Variants in CHP2 observed in about 807,000 individuals in gnomAD.
The protein encoded by CHP2 is calcineurin like EF-hand protein 2.
A neutral mutation model predicts 24.7 loss-of-function variants in CHP2; 31 were observed. That is an observed-to-expected ratio of 1.26 (90% CI 0.94 to 1.69). The LOEUF is 1.69. Among genes scored for constraint, CHP2 ranks in the 40% most tolerant of loss-of-function variants. The pLI is 0.00. For missense variants in CHP2, 319 were observed against 261.5 expected, an observed-to-expected ratio of 1.22 and a Z score of -1.52; for synonymous variants, 97 against 99.1, an observed-to-expected ratio of 0.98 and a Z score of 0.13.
At chr16:23,756,299 C>A (rs1003991440) in intron 4 of CHP2, 89 bp from the exon 5 acceptor site, 1 of 1,584,878 alleles carries the variant, frequency 6.3e-7, no homozygotes. Context: ...CAACCTCCCC[C>A]CTCCTCCAAG....
At position 23,758,018 on chromosome 16, in the gene CHP2, G is replaced by A. The variant is rs1597178402; in HGVS notation, c.*435G>A. On this transcript the variant is annotated 3_prime_UTR_variant, in exon 7 of 7. Coordinates refer to ENST00000300113, the MANE Select transcript of CHP2 (RefSeq NM_022097.4). ...ATCAGGCATTAGATTCTCATAAGGA[G>A]TGCACAATCTAGATCCTTTGGTGTG... The A allele has an allele frequency of 3.6e-6, 1 of 277,728 alleles. No individual in the cohort carries two copies. Among genetic ancestry groups the A allele is most frequent in the African/African-American group, 2.2e-5 (1 of 45,286 alleles). The allele number at this position is 277,728 out of a possible 1,614,324, so 17.2% of individuals were successfully genotyped here. A position where few individuals can be genotyped will look rare whatever the true frequency, so the allele number is the denominator to read the frequency against.
At position 23,757,709 on chromosome 16, in the gene CHP2, C is replaced by T; in HGVS notation, c.*126C>T. The T allele has an allele frequency of 1.1e-6, 1 of 879,180 alleles. No homozygotes were observed. Among genetic ancestry groups the T allele is most frequent in the South Asian group, 1.4e-5 (1 of 74,064 alleles). 54.5% of individuals were successfully genotyped at this position (879,180 alleles called of 1,614,324 possible). On this transcript the variant is annotated 3_prime_UTR_variant, in exon 7 of 7. Coordinates refer to ENST00000300113, the MANE Select transcript of CHP2 (RefSeq NM_022097.4). ...TTTCGTTTCTAACTCTATTTAGGGC[C>T]AAGAGAAGAAAGCTGGAAGGATGTG...
chr16:23,758,744 A>G lies in CHP2; in HGVS notation c.*1161A>G, dbSNP rs1162184265. The stretch of plus-strand genomic sequence containing the variant: ...GTTGCTTAAAGGAAAATGAAATACA[A>G]TTAGCAGAATAAGGGGAAACGAGTG... On this transcript the variant is annotated 3_prime_UTR_variant, in exon 7 of 7. Coordinates refer to ENST00000300113, the MANE Select transcript of CHP2 (RefSeq NM_022097.4). The G allele has an allele frequency of 6.6e-6, 1 of 152,242 alleles. No individual in the cohort carries two copies. The highest frequency in any genetic ancestry group is 1.5e-5 in the Non-Finnish European group (1 of 68,080). The allele number at this position is 152,242 out of a possible 1,614,324, so 9.4% of individuals were successfully genotyped here. A position where few individuals can be genotyped will look rare whatever the true frequency, so the allele number is the denominator to read the frequency against.
Position 23,755,940 on chromosome 16 carries a change from G to T in CHP2, c.221+13G>T. Reference sequence around the variant, plus strand: ...TCTTCCCCGATGGGTGAGGCTTGCTGGGCGTGGGGAGGTGAAGGCGGGAAA... The same window carrying T: ...TCTTCCCCGATGGGTGAGGCTTGCTTGGCGTGGGGAGGTGAAGGCGGGAAA... On this transcript the variant is annotated intron_variant, in intron 3 of 6. Transcript: ENST00000300113. 6.2e-7 allele frequency: 1 copy of T among 1,614,140 alleles called. No homozygotes were observed. Among genetic ancestry groups the T allele is most frequent in the African/African-American group, 1.3e-5 (1 of 75,038 alleles).
Position 23,755,057 on chromosome 16 carries a change from C to T in CHP2, c.8C>T (p.Ser3Leu), listed in dbSNP as rs868014441. Residue 3 changes from serine (S) to leucine (L), a missense_variant, in exon 1 of 7, where the codon TCG becomes TTG. Transcript: ENST00000300113. MG[S>L]RSSHAAVIPD... The stretch of plus-strand genomic sequence containing the variant: ...TCCGCCTCCAGCTCGGCCATGGGGT[C>T]GCGCAGCTCCCACGCCGCGGTCATT... The T allele has an allele frequency of 6.3e-7, 1 of 1,594,952 alleles. No individual in the cohort carries two copies. The highest frequency in any genetic ancestry group is 8.5e-7 in the Non-Finnish European group (1 of 1,174,322).
Position 23,755,907 on chromosome 16 carries a change from A to G in CHP2, c.201A>G (p.Ile67Met). Residue 67 changes from isoleucine to methionine, a missense_variant, in exon 3 of 7, where the codon ATA becomes ATG. By Grantham distance (10) the Ile-to-Met change is conservative (BLOSUM62 1). Coordinates refer to ENST00000300113, the MANE Select transcript of CHP2 (RefSeq NM_022097.4). ...LAVNPLGDRI[I>M]ESFFPDGSQR... ...TGAACCCCCTGGGAGACCGAATTATAGAAAGCTTCTTCCCCGATGGGTGAG... is the reference window on the plus strand; with the variant it reads ...TGAACCCCCTGGGAGACCGAATTATGGAAAGCTTCTTCCCCGATGGGTGAG... 4 of 1,614,196 alleles carry G rather than the reference A, an allele frequency of 2.5e-6. No individual in the cohort carries two copies. Among genetic ancestry groups the G allele is most frequent in the Non-Finnish European group, 3.4e-6 (4 of 1,180,040 alleles).
chr16:23,755,457 A>G, intron 1 of CHP2: 1 of 608,800 alleles, frequency 1.6e-6, no homozygotes. Flanking sequence ...GGAGGTTGCG[A>G]GCCGCCCGGG....
intron 5 of CHP2, 46 bp downstream of exon 5, chr16:23,756,495 A>G (rs2141044251): frequency 6.7e-7 from 1 of 1,496,776 alleles, no homozygotes; most frequent in Non-Finnish European, 9.3e-7. Flanking sequence ...GAAGGATGGG[A>G]TGGTTAAATG....
chr16:23,756,312 G>T (rs77005706), intron 4 of CHP2, 76 bp from the exon 5 acceptor site: 19 of 1,582,720 alleles, frequency 1.2e-5, no homozygotes, highest in South Asian at 4.5e-5. Context: ...CCTCCAAGGT[G>T]GGGGGAAGGA....
rs745760612 is a variant in CHP2, at chr16:23,757,228, G to A, written c.442G>A (p.Val148Met). 2.5e-6 allele frequency: 4 copies of A among 1,614,042 alleles called. No homozygotes were observed. ...QVLRLMVGVQ[V>M]TEEQLENIAD... Reference sequence around the variant, plus strand: ...TCTCCGTCTGATGGTTGGGGTACAGGTGACAGAAGAGCAGCTGGAGAACAT... The same window carrying A: ...TCTCCGTCTGATGGTTGGGGTACAGATGACAGAAGAGCAGCTGGAGAACAT... The change falls in exon 6 of 7, where the codon GTG (valine) becomes ATG (methionine). Residue 148 changes from valine (V) to methionine (M), a missense_variant. Physicochemically the swap from Val to Met is conservative, Grantham distance 21. Coordinates refer to ENST00000300113, the MANE Select transcript of CHP2 (RefSeq NM_022097.4).
At chr16:23,756,862 T>C (rs948091606) in intron 5 of CHP2, among the ~76,000 whole-genome samples, 6 of 152,044 alleles carry the variant, frequency 3.9e-5, no homozygotes, top group Admixed American at 6.6e-5. Flanking sequence ...AGTGCCAAGA[T>C]TGAGAAACTC....
chr16:23,756,506 C>T (rs573526780), intron 5 of CHP2, 57 bp downstream of exon 5: 2 of 1,444,808 alleles, frequency 1.4e-6, no homozygotes, highest in South Asian at 1.2e-5. Flanking sequence ...TGGTTAAATG[C>T]AATGGTGTGA....
chr16:23,758,816 AC>A lies in CHP2; in HGVS notation c.*1236del, dbSNP rs1670358976. On this transcript the variant is annotated 3_prime_UTR_variant, in exon 7 of 7. Coordinates refer to ENST00000300113, the MANE Select transcript of CHP2 (RefSeq NM_022097.4). The stretch of plus-strand genomic sequence containing the variant: ...CAAGAGATGCCCATTACTGTGAGGG[AC>A]CCTTGAAGTCTGGACTCTTAAATGG... 2 of 152,138 alleles carry A rather than the reference AC, an allele frequency of 1.3e-5. No individual in the cohort carries two copies. Among genetic ancestry groups the A allele is most frequent in the Admixed American group, 1.3e-4 (2 of 15,270 alleles). The allele number at this position is 152,138 out of a possible 1,614,324, so 9.4% of individuals were successfully genotyped here.
At position 23,755,844 on chromosome 16, in the gene CHP2, C is replaced by T. The variant is rs773812077; in HGVS notation, c.141-3C>T. 1 of 1,614,178 alleles carries T rather than the reference C, an allele frequency of 6.2e-7. No homozygotes were observed. Among genetic ancestry groups the T allele is most frequent in the Non-Finnish European group, 8.5e-7 (1 of 1,180,030 alleles). On this transcript the variant is annotated splice_region_variant and splice_polypyrimidine_tract_variant and intron_variant, in intron 2 of 6. Transcript: ENST00000300113. ...TTACCCTCTTTGAAATTTGGCTTTG[C>T]AGCCGCATGGATCTCCAGCAGATAG...
intron 5 of CHP2, among the ~76,000 whole-genome samples, chr16:23,756,882 T>C (rs1436048573): frequency 1.3e-5 from 2 of 151,870 alleles, no homozygotes; most frequent in Admixed American, 1.3e-4. Context: ...CTGGAACAGA[T>C]GTGATGGAAT....
chr16:23,755,026 G>C lies in CHP2; in HGVS notation c.-24G>C. On this transcript the variant is annotated 5_prime_UTR_variant, in exon 1 of 7. Coordinates refer to ENST00000300113, the MANE Select transcript of CHP2 (RefSeq NM_022097.4). ...ACGCGTGGGTCCGGGTGGCTGCTCC[G>C]GCCCTTCCGCCTCCAGCTCGGCCAT... The C allele has an allele frequency of 3.2e-6, 5 of 1,561,540 alleles. No homozygotes were observed. Among genetic ancestry groups the C allele is most frequent in the Non-Finnish European group, 4.3e-6 (5 of 1,156,098 alleles).
Position 23,758,623 on chromosome 16 carries a change from G to A in CHP2, c.*1040G>A, listed in dbSNP as rs933089398. 4 of 152,206 alleles carry A rather than the reference G, an allele frequency of 2.6e-5. No homozygotes were observed. Among genetic ancestry groups the A allele is most frequent in the African/African-American group, 9.7e-5 (4 of 41,440 alleles). 9.4% of individuals were successfully genotyped at this position (152,206 alleles called of 1,614,324 possible). On this transcript the variant is annotated 3_prime_UTR_variant, in exon 7 of 7. Coordinates refer to ENST00000300113, the MANE Select transcript of CHP2 (RefSeq NM_022097.4). ...TTTGGGGTCTCATCTCTACTTCTAGGGGAATGAAACACTCTGAGTGGCCAG... is the reference window on the plus strand; with the variant it reads ...TTTGGGGTCTCATCTCTACTTCTAGAGGAATGAAACACTCTGAGTGGCCAG...
Position 23,756,374 on chromosome 16 carries a change from C to T in CHP2, c.353-14C>T, listed in dbSNP as rs1961225887. ...AAGACCTACCTTCCTTTCCCCCTCC[C>T]ACCCTCTCCCCAGATGCATTTCAGC... On this transcript the variant is annotated splice_polypyrimidine_tract_variant and intron_variant, in intron 4 of 6. Transcript: ENST00000300113. 6.2e-7 allele frequency: 1 copy of T among 1,610,782 alleles called. No homozygotes were observed. The highest frequency in any genetic ancestry group is 8.5e-7 in the Non-Finnish European group (1 of 1,177,394).
At chr16:23,755,422 G>T in intron 1 of CHP2, 2 of 600,582 alleles carry the variant, frequency 3.3e-6, no homozygotes, top group Non-Finnish European at 5.9e-6. Flanking sequence ...GGTTGGAAGG[G>T]ATGGCTTTGG....
Sources: allele counts gnomAD v4.1 joint callset (sites outside exome capture counted in the v4.1 genomes callset), GRCh38; gene constraint gnomAD v4.1.1; transcripts MANE v1.5; gene names NCBI Gene and HGNC (gene_info 2026-07-23, HGNC 2026-07-21).